MAP1A: variants seen among roughly 807,000 people sequenced by gnomAD.
MAP1A encodes microtubule associated protein 1A.
Under a neutral mutation model 185.9 loss-of-function variants are expected in MAP1A, and 42 were observed. The observed-to-expected ratio is 0.23, with a 90% CI of 0.18 to 0.29. MAP1A has a LOEUF of 0.29. Among genes scored for constraint, MAP1A ranks in the 10% least tolerant of loss-of-function variants. The pLI is 1.00. For missense variants in MAP1A, 2,995 were observed against 3,450.4 expected (o/e 0.87, Z 3.31); for synonymous variants, 1,229 against 1,335.9 (o/e 0.92, Z 1.74).
chr15:43,521,521 C>T lies in MAP1A; in HGVS notation c.48C>T (p.Asp16=), dbSNP rs767470927. ...EFSEYVSETV[D]VPSPFDLLEP... ...CCGAGTATGTCTCTGAGACTGTGGA[C>T]GTGCCATCCCCATTTGACCTACTAG... is the stretch of plus-strand genomic sequence containing the variant. Residue 16 remains aspartate (D), a synonymous_variant, in exon 4 of 6, where the codon GAC becomes GAT. Coordinates refer to ENST00000300231, the MANE Select transcript of MAP1A (RefSeq NM_002373.6). This position sits in a 1 kb window ranked among gnomAD's most constrained non-coding sequence, Gnocchi z 4.6. The T allele has an allele frequency of 8.1e-6, 13 of 1,614,006 alleles. No individual in the cohort carries two copies. Among genetic ancestry groups the T allele is most frequent in the East Asian group, 2.2e-5 (1 of 44,886 alleles).
Position 43,528,233 on chromosome 15 carries a change from G to T in MAP1A, c.6760G>T (p.Ala2254Ser), listed in dbSNP as rs370423808. The T allele has an allele frequency of 2.5e-6, 4 of 1,613,918 alleles. No homozygotes were observed. In the African/African-American group the frequency reaches 5.3e-5, roughly 22 times the overall value. ...CAATCTGCCACGACCTGCCTCACCA[G>T]CCCTGTCTGAGGGCTCCTCCTCTGA... ...LSNLPRPASP[A>S]LSEGSSSEAT... Residue 2254 changes from alanine to serine, a missense_variant, in exon 4 of 6, where the codon GCC (alanine) becomes TCC (serine). Around this residue, in one of 3 missense-constraint regions of MAP1A, gnomAD observed 2,728 missense variants for 2,986.0 expected, o/e 0.91. Transcript: ENST00000300231.
In MAP1A at chr15:43,521,417, T is replaced by A. The variant is rs1249547826; in HGVS notation, c.-57T>A. 6.2e-7 allele frequency: 1 copy of A among 1,613,970 alleles called. No individual in the cohort carries two copies. The highest frequency in any genetic ancestry group is 1.3e-5 in the African/African-American group (1 of 74,922). ...AGGTGATTGGAGCCACCTGGGATTA[T>A]CCAGTTCCCAAGAGACCCTGCACCT... On this transcript the variant is annotated 5_prime_UTR_variant, in exon 4 of 6. Transcript: ENST00000300231. The surrounding 1 kb of genome is among the most constrained non-coding windows in gnomAD (Gnocchi z 4.6).
In MAP1A at chr15:43,527,916, C is replaced by T. The variant is rs1404271079; in HGVS notation, c.6443C>T (p.Pro2148Leu). 1 of 1,614,170 alleles carries T rather than the reference C, an allele frequency of 6.2e-7. No individual in the cohort carries two copies. The highest frequency in any genetic ancestry group is 2.2e-5 in the East Asian group (1 of 44,880). The change falls in exon 4 of 6, where the codon CCT (proline) becomes CTT (leucine). Residue 2148 changes from proline (P) to leucine (L), a missense_variant. Around this residue, in one of 3 missense-constraint regions of MAP1A, gnomAD observed 2,728 missense variants for 2,986.0 expected, o/e 0.91. Transcript: ENST00000300231. ...CCAGAAACTGAGGCACATGTTAGCC[C>T]TCCCTTGGACTCACACCTGGGGCCT... ...LWPETEAHVS[P>L]PLDSHLGPAR...
rs2079273958 is a variant in MAP1A, at chr15:43,511,063, TC to T, written c.78del (p.Gly27AlafsTer32). On this transcript the variant is annotated frameshift_variant, in exon 1 of 7. Coordinates refer to the MAP1A transcript ENST00000382031. LOFTEE classifies it high-confidence loss of function. ...CAACTCCGGGGCTGGGGCTCCGAAG[TC>T]CCGGCGCACCGCTGGCTCAGAACCC... The T allele has an allele frequency of 6.5e-7, 1 of 1,549,418 alleles. No homozygotes were observed. The highest frequency in any genetic ancestry group is 8.7e-7 in the Non-Finnish European group (1 of 1,146,446).
chr15:43,518,716 C>CA (rs545823592), intron 1 of MAP1A, among the ~76,000 whole-genome samples: 24 of 138,244 alleles, frequency 1.7e-4, no homozygotes, highest in South Asian at 7.2e-4. Flanking sequence ...CCACCCCCCC[C>CA]CGCAACTCCA....
rs374705741 is a variant in MAP1A, at chr15:43,527,564, C to T, written c.6091C>T (p.Pro2031Ser). 4.3e-6 allele frequency: 7 copies of T among 1,614,046 alleles called. No homozygotes were observed. The highest frequency in any genetic ancestry group is 5.1e-6 in the Non-Finnish European group (6 of 1,180,036). ...ISPKSLQSDTPTFSYAALAGP... is the reference protein window; with the variant it reads ...ISPKSLQSDTSTFSYAALAGP... ...ACCCAAGAGCCTCCAGTCTGACACT[C>T]CAACCTTCAGCTATGCAGCCCTGGC... Residue 2031 changes from proline to serine, a missense_variant, in exon 4 of 6, where the codon CCA becomes TCA. Physicochemically the swap from Pro to Ser is moderately conservative, Grantham distance 74. This residue lies in a region of MAP1A where 2,728 missense variants were observed against 2,986.0 expected (regional missense o/e 0.91). Transcript: ENST00000300231.
rs750232891 is a variant in MAP1A at position 43,528,740 on chromosome 15, C to T, written c.7267C>T (p.Pro2423Ser). 1.4e-4 allele frequency: 221 copies of T among 1,613,028 alleles called. No homozygotes were observed. The highest frequency in any genetic ancestry group is 1.7e-4 in the Non-Finnish European group (205 of 1,179,592). The change falls in exon 4 of 6, where the codon CCC (proline) becomes TCC (serine). Residue 2423 changes from proline to serine, a missense_variant. Physicochemically the swap from Pro to Ser is moderately conservative, Grantham distance 74. Around this residue, in one of 3 missense-constraint regions of MAP1A, gnomAD observed 2,728 missense variants for 2,986.0 expected, o/e 0.91. Coordinates refer to ENST00000300231, the MANE Select transcript of MAP1A (RefSeq NM_002373.6). ...TCCTGCAGGGGGCTCCGGGGGCCCA[C>T]CCAGCAGTGCCTCTCCTGAGGTCGA... ...VCPAGGSGGP[P>S]SSASPEVEAG...
rs999349797 is a variant in MAP1A, at chr15:43,523,048, A to G, written c.1575A>G (p.Leu525=). 1.1e-5 allele frequency: 17 copies of G among 1,614,054 alleles called. No individual in the cohort carries two copies. The highest frequency in any genetic ancestry group is 2.7e-5 in the African/African-American group (2 of 74,902). Residue 525 remains leucine (L), a synonymous_variant, in exon 4 of 6, where the codon CTA becomes CTG. Transcript: ENST00000300231. ...TCAGTGGGCACAGGGAGCTGGTCCT[A>G]TCCTCACCAGAGGACCTCACACAGG... is the stretch of plus-strand genomic sequence containing the variant. ...PTISGHRELV[L]SSPEDLTQDF...
Position 43,527,634 on chromosome 15 carries a change from A to G in MAP1A, c.6161A>G (p.Glu2054Gly). 6.2e-7 allele frequency: 1 copy of G among 1,613,684 alleles called. No individual in the cohort carries two copies. Among genetic ancestry groups the G allele is most frequent in the Non-Finnish European group, 8.5e-7 (1 of 1,179,912 alleles). The change falls in exon 4 of 6, where the codon GAG (glutamate) becomes GGG (glycine). Residue 2054 changes from glutamate (E) to glycine (G), a missense_variant. By Grantham distance (98) the Glu-to-Gly change is moderately conservative. This residue lies in a region of MAP1A where 2,728 missense variants were observed against 2,986.0 expected (regional missense o/e 0.91). Transcript: ENST00000300231. ...AGGCCAGAGCCAGGGCCAAGTATGG[A>G]GCCCAGCCTCACCCCACCTGCAGTT... ...PPRPEPGPSM[E>G]PSLTPPAVPP...
In MAP1A at chr15:43,525,624, A is replaced by G. The variant is rs368132572; in HGVS notation, c.4151A>G (p.Asp1384Gly). Reference protein sequence around the residue: ...LEHKEVVEPKDTAIYQKDEAL... With the variant: ...LEHKEVVEPKGTAIYQKDEAL... ...CACAAGGAGGTGGTAGAGCCGAAGG[A>G]TACAGCCATCTATCAGAAAGATGAG... is the stretch of plus-strand genomic sequence containing the variant. The change falls in exon 4 of 6, where the codon GAT becomes GGT. Residue 1384 changes from aspartate to glycine, a missense_variant. Physicochemically the swap from Asp to Gly is moderately conservative, Grantham distance 94. Transcript: ENST00000300231. 1 of 1,614,248 alleles carries G rather than the reference A, an allele frequency of 6.2e-7. No homozygotes were observed. Among genetic ancestry groups the G allele is most frequent in the South Asian group, 1.1e-5 (1 of 91,088 alleles).
At position 43,528,081 on chromosome 15, in the gene MAP1A, C is replaced by T. The variant is rs1199451556; in HGVS notation, c.6608C>T (p.Ala2203Val). 9.9e-6 allele frequency: 16 copies of T among 1,613,938 alleles called. No homozygotes were observed. The highest frequency in any genetic ancestry group is 6.6e-5 in the South Asian group (6 of 91,084). ...GCCTTCTCTGGGGATCGAGCTCTGG[C>T]TCTGGCTCCAGGACCCCCCACCAGA... ...SLAFSGDRALALAPGPPTRTR... is the reference protein window; with the variant it reads ...SLAFSGDRALVLAPGPPTRTR... Residue 2203 changes from alanine (A) to valine (V), a missense_variant, in exon 4 of 6, where the codon GCT becomes GTT. Around this residue, in one of 3 missense-constraint regions of MAP1A, gnomAD observed 2,728 missense variants for 2,986.0 expected, o/e 0.91. Coordinates refer to ENST00000300231, the MANE Select transcript of MAP1A (RefSeq NM_002373.6).
intron 1 of MAP1A, chr15:43,511,327 T>C (rs984808738): frequency 5.5e-6 from 5 of 905,304 alleles, no homozygotes; most frequent in Non-Finnish European, 8.5e-6. Context: ...CCATCCCTAG[T>C]GTGCACTTCC....
Position 43,521,445 on chromosome 15 carries a change from G to A in MAP1A, c.-29G>A, listed in dbSNP as rs1242627323. ...AGTTCCCAAGAGACCCTGCACCTCC[G>A]GCTAAACCCTGAGCCCACTCTGCCC... On this transcript the variant is annotated 5_prime_UTR_variant, in exon 4 of 6. Coordinates refer to ENST00000300231, the MANE Select transcript of MAP1A (RefSeq NM_002373.6). This position sits in a 1 kb window ranked among gnomAD's most constrained non-coding sequence, Gnocchi z 4.6. 1.9e-5 allele frequency: 30 copies of A among 1,613,964 alleles called. No individual in the cohort carries two copies. The highest frequency in any genetic ancestry group is 2.0e-5 in the Non-Finnish European group (24 of 1,180,012).
At chr15:43,512,408 T>C in intron 2 of MAP1A, 2 of 687,870 alleles carry the variant, frequency 2.9e-6, no homozygotes, top group Admixed American at 2.4e-5. Flanking sequence ...AGGAACTTTA[T>C]AGAGGAGGAA....
Position 43,528,201 on chromosome 15 carries a change from T to C in MAP1A, c.6728T>C (p.Leu2243Pro), listed in dbSNP as rs750362847. 1.2e-6 allele frequency: 2 copies of C among 1,613,984 alleles called. No homozygotes were observed. The highest frequency in any genetic ancestry group is 2.2e-5 in the South Asian group (2 of 91,074). ...LPSPSSPGAP[L>P]LSNLPRPASP... ...TCACCCAGTTCTCCTGGGGCCCCTC[T>C]CCTCTCCAATCTGCCACGACCTGCC... is the stretch of plus-strand genomic sequence containing the variant. The change falls in exon 4 of 6, where the codon CTC (leucine) becomes CCC (proline). Residue 2243 changes from leucine to proline, a missense_variant. Leu to Pro is a moderately conservative substitution (Grantham distance 98). Transcript: ENST00000300231.
Position 43,522,855 on chromosome 15 carries a change from A to G in MAP1A, c.1382A>G (p.Lys461Arg), listed in dbSNP as rs2079325280. 1 of 1,605,630 alleles carries G rather than the reference A, an allele frequency of 6.2e-7. No homozygotes were observed. Among genetic ancestry groups the G allele is most frequent in the African/African-American group, 1.3e-5 (1 of 74,802 alleles). The change falls in exon 4 of 6, where the codon AAG becomes AGG. Residue 461 changes from lysine (K) to arginine (R), a missense_variant. Physicochemically the swap from Lys to Arg is conservative, Grantham distance 26 (BLOSUM62 2). Coordinates refer to ENST00000300231, the MANE Select transcript of MAP1A (RefSeq NM_002373.6). The surrounding 1 kb of genome is among the most constrained non-coding windows in gnomAD (Gnocchi z 5.9). ...AAACCTGAGCTCAAGAAGATTTCCA[A>G]GCCAGACCTAAAGCCCTTTACTCCT... Reference protein sequence around the residue: ...DTKPELKKISKPDLKPFTPEV... With the variant: ...DTKPELKKISRPDLKPFTPEV...
In MAP1A at chr15:43,521,850, A is replaced by T. The variant is rs1371709898; in HGVS notation, c.377A>T (p.Asn126Ile). 1.2e-6 allele frequency: 2 copies of T among 1,614,034 alleles called. No homozygotes were observed. Among genetic ancestry groups the T allele is most frequent in the Non-Finnish European group, 1.7e-6 (2 of 1,180,016 alleles). Reference sequence around the variant, plus strand: ...AGCAGTTACAGCGACTGGGTGAAGAACCTTATCTCTCCTGAGCTTGGAGTT... The same window carrying T: ...AGCAGTTACAGCGACTGGGTGAAGATCCTTATCTCTCCTGAGCTTGGAGTT... ...GSSSYSDWVK[N>I]LISPELGVVF... The change falls in exon 4 of 6, where the codon AAC becomes ATC. Residue 126 changes from asparagine (N) to isoleucine (I), a missense_variant. By Grantham distance (149) the Asn-to-Ile change is moderately radical. Coordinates refer to ENST00000300231, the MANE Select transcript of MAP1A (RefSeq NM_002373.6). This position sits in a 1 kb window ranked among gnomAD's most constrained non-coding sequence, Gnocchi z 4.6.
At position 43,521,581 on chromosome 15, in the gene MAP1A, C is replaced by G. The variant is rs775087657; in HGVS notation, c.108C>G (p.Ser36=). ...CCTCAGGGGGCTTCCTCAAGCTCTC[C>G]AAGCCTTGTTGCTACATCTTCCCAG... ...PPTSGGFLKL[S]KPCCYIFPGG... Residue 36 remains serine (S), a synonymous_variant, in exon 4 of 6, where the codon TCC becomes TCG. Transcript: ENST00000300231. This position sits in a 1 kb window ranked among gnomAD's most constrained non-coding sequence, Gnocchi z 4.6. The G allele has an allele frequency of 6.2e-7, 1 of 1,614,176 alleles. No individual in the cohort carries two copies. Among genetic ancestry groups the G allele is most frequent in the South Asian group, 1.1e-5 (1 of 91,082 alleles).
Position 43,524,664 on chromosome 15 carries a change from T to C in MAP1A, c.3191T>C (p.Val1064Ala). ...GGCACACTAGAGAAGGAAGAGAAAG[T>C]TCCTCCTCCCAGGAGCCCCCAGGCC... Reference protein sequence around the residue: ...EEGTLEKEEKVPPPRSPQAQE... With the variant: ...EEGTLEKEEKAPPPRSPQAQE... Residue 1064 changes from valine (V) to alanine (A), a missense_variant, in exon 4 of 6, where the codon GTT (valine) becomes GCT (alanine). By Grantham distance (64) the Val-to-Ala change is moderately conservative. Transcript: ENST00000300231. The C allele has an allele frequency of 1.2e-6, 2 of 1,614,044 alleles. No individual in the cohort carries two copies. Among genetic ancestry groups the C allele is most frequent in the Non-Finnish European group, 1.7e-6 (2 of 1,179,978 alleles).
Sources: allele counts gnomAD v4.1 joint callset (sites outside exome capture counted in the v4.1 genomes callset), GRCh38; gene constraint gnomAD v4.1.1; regional missense constraint gnomAD v4.1.1; non-coding constraint Gnocchi (gnomAD v3.1); transcripts MANE v1.5; gene names NCBI Gene and HGNC (gene_info 2026-07-23, HGNC 2026-07-21).